SNX13: variants seen among roughly 807,000 people sequenced by gnomAD.
SNX13 encodes the protein sorting nexin 13.
SNX13 carries 45 observed loss-of-function variants against 133.6 expected under a neutral mutation model. That is an observed-to-expected ratio of 0.34 (90% CI 0.27 to 0.43). The LOEUF is 0.43. Ranked by LOEUF, SNX13 falls within the 20% of genes least tolerant of loss-of-function variation. The pLI is 1.00. For missense variants in SNX13, 1,032 were observed against 1,145.1 expected (o/e 0.90, Z 1.43); for synonymous variants, 414 against 373.9 (o/e 1.11, Z -1.24).
At chr7:17,940,213 T>C (rs996839470) in intron 1 of SNX13, 71 bp downstream of exon 1, 4 of 1,546,682 alleles carry the variant, frequency 2.6e-6, no homozygotes, top group East Asian at 2.4e-5. Context: ...GTACAGATGA[T>C]GTTCTCTGAC....
intron 16 of SNX13, among the ~76,000 whole-genome samples, chr7:17,829,168 G>A (rs1010258873): frequency 6.6e-6 from 1 of 151,456 alleles, no homozygotes; most frequent in Non-Finnish European, 1.5e-5. Flanking sequence ...CACCTAAGAC[G>A]ACTAACCTCT....
At chr7:17,825,123 TAATA>T (rs1320553063) in intron 17 of SNX13, among the ~76,000 whole-genome samples, 2 of 152,198 alleles carry the variant, frequency 1.3e-5, no homozygotes, top group African/African-American at 4.8e-5. Context: ...TTTAAGAAGC[TAATA>T]AATACTTGTT....
At chr7:17,825,926 C>T (rs928265592) in intron 17 of SNX13, 96 bp downstream of exon 17, 35 of 835,908 alleles carry the variant, frequency 4.2e-5, no homozygotes, top group Admixed American at 2.8e-4. Context: ...GACTAGAGAA[C>T]AAAAAAATGG....
intron 20 of SNX13, among the ~76,000 whole-genome samples, chr7:17,806,807 C>T (rs902608740): frequency 1.3e-5 from 2 of 152,108 alleles, no homozygotes; most frequent in African/African-American, 4.8e-5. Context: ...CCACAGAGGG[C>T]GAGCTGAAGC....
intron 20 of SNX13, among the ~76,000 whole-genome samples, chr7:17,804,873 A>G (rs2128289534): frequency 6.6e-6 from 1 of 152,328 alleles, no homozygotes; most frequent in South Asian, 2.1e-4. Context: ...AATAGATGGT[A>G]AGAAGACAAA....
At position 17,810,326 on chromosome 7, in the gene SNX13, G is replaced by T. The variant is rs184446042; in HGVS notation, c.2064+4508C>A. Among the ~76,000 whole-genome samples, 5 of 152,146 alleles carry T rather than the reference G, an allele frequency of 3.3e-5. No individual in the cohort carries two copies. In the East Asian group the frequency reaches 9.7e-4, roughly 29 times the overall value. ...CACAGAAATACAAACTACCATCAGA[G>T]AACACTATAAACAACTCTACACAAA... is the stretch of plus-strand genomic sequence containing the variant. On this transcript the variant is annotated intron_variant, in intron 20 of 25. Coordinates refer to ENST00000428135, the MANE Select transcript of SNX13 (RefSeq NM_015132.5).
At chr7:17,805,242 T>TGTGTGC (rs1554304215) in intron 20 of SNX13, among the ~76,000 whole-genome samples, 8 of 109,430 alleles carry the variant, frequency 7.3e-5, no homozygotes, top group Non-Finnish European at 1.4e-4. Flanking sequence ...TGTGTGTGTG[T>TGTGTGC]GTGTGTGTGC....
At chr7:17,844,337 C>T (rs1414754434) in intron 12 of SNX13, among the ~76,000 whole-genome samples, 1 of 151,824 alleles carries the variant, frequency 6.6e-6, no homozygotes, top group African/African-American at 2.4e-5. Context: ...ACAGAAAATC[C>T]ACCAAAACTA....
intron 1 of SNX13, among the ~76,000 whole-genome samples, chr7:17,905,927 T>A (rs1025794506): frequency 6.6e-6 from 1 of 152,180 alleles, no homozygotes; most frequent in African/African-American, 2.4e-5. Flanking sequence ...CACCTCAGCC[T>A]CCTGAGTAGC....
At chr7:17,930,352 C>T (rs918891053) in intron 1 of SNX13, among the ~76,000 whole-genome samples, 3 of 152,124 alleles carry the variant, frequency 2.0e-5, no homozygotes, top group African/African-American at 7.2e-5. Flanking sequence ...CACCAGCCAT[C>T]ACTCTTAACC....
chr7:17,832,055 A>G, intron 15 of SNX13: 5 of 983,474 alleles, frequency 5.1e-6, no homozygotes, highest in Non-Finnish European at 6.0e-6. Flanking sequence ...AATGTCCTAG[A>G]AAGACAATAA....
chr7:17,817,961 G>T (rs1296198147), intron 18 of SNX13, among the ~76,000 whole-genome samples: 1 of 152,100 alleles, frequency 6.6e-6, no homozygotes, highest in South Asian at 2.1e-4. Flanking sequence ...GAGAGATAAA[G>T]CCCCTAAAGA....
chr7:17,794,287 G>C lies in SNX13; in HGVS notation c.2632C>G (p.Leu878Val). 6.2e-7 allele frequency: 1 copy of C among 1,608,236 alleles called. No homozygotes were observed. ...TKLLAIMPDELKHIIGAETTR... is the reference protein window; with the variant it reads ...TKLLAIMPDEVKHIIGAETTR... Reference sequence around the variant, plus strand: ...GTCTCAGCCCCAATAATGTGCTTCAGCTCATCTAAATGAAGTGGAGGAAAA... The same window carrying C: ...GTCTCAGCCCCAATAATGTGCTTCACCTCATCTAAATGAAGTGGAGGAAAA... The change falls in exon 26 of 26, where the codon CTG (leucine) becomes GTG (valine). Residue 878 changes from leucine to valine, a missense_variant. Physicochemically the swap from Leu to Val is conservative, Grantham distance 32. Transcript: ENST00000428135.
chr7:17,890,187 G>A, intron 5 of SNX13, 176 bp downstream of exon 5: 1 of 460,848 alleles, frequency 2.2e-6, no homozygotes, highest in Non-Finnish European at 3.6e-6. Context: ...TAAAATCTGG[G>A]GTAATTTAAA....
chr7:17,885,765 C>T (rs1795918988), intron 5 of SNX13, among the ~76,000 whole-genome samples: 1 of 152,190 alleles, frequency 6.6e-6, no homozygotes, highest in Admixed American at 6.5e-5. Context: ...GAGGCGGAAA[C>T]TGCAGTGAGC....
chr7:17,807,671 G>C (rs1304775090), intron 20 of SNX13, among the ~76,000 whole-genome samples: 2 of 152,324 alleles, frequency 1.3e-5, no homozygotes, highest in Non-Finnish European at 2.9e-5. Flanking sequence ...TCCTGACTGG[G>C]AGACACCTCC....
intron 1 of SNX13, among the ~76,000 whole-genome samples, chr7:17,908,095 AT>A (rs1562506000): frequency 6.6e-6 from 1 of 152,160 alleles, no homozygotes; most frequent in East Asian, 1.9e-4. Context: ...TGTTTCCTAT[AT>A]TCCTTTACTT....
intron 9 of SNX13, among the ~76,000 whole-genome samples, chr7:17,864,845 G>GAGC (rs1449361396): frequency 3.0e-5 from 3 of 100,746 alleles, no homozygotes; most frequent in East Asian, 3.3e-4. Flanking sequence ...GGAGGAGGAG[G>GAGC]AGCAGCAGCA....
chr7:17,861,557 T>C (rs1792700875), intron 9 of SNX13, among the ~76,000 whole-genome samples: 1 of 151,998 alleles, frequency 6.6e-6, no homozygotes, highest in South Asian at 2.1e-4. Context: ...TCTCAGGAAA[T>C]AGTCAAGTGA....
Sources: allele counts gnomAD v4.1 joint callset (sites outside exome capture counted in the v4.1 genomes callset), GRCh38; gene constraint gnomAD v4.1.1; transcripts MANE v1.5; gene names NCBI Gene and HGNC (gene_info 2026-07-23, HGNC 2026-07-21).